IMMP2L: variants seen among roughly 807,000 people sequenced by gnomAD.
IMMP2L encodes inner mitochondrial membrane peptidase subunit 2.
Under a neutral mutation model 19.3 loss-of-function variants are expected in IMMP2L, and 18 were observed. The observed-to-expected ratio is 0.93, with a 90% CI of 0.64 to 1.38. IMMP2L has a LOEUF of 1.38. Ranked by LOEUF, IMMP2L falls within the 40% of genes most tolerant of loss-of-function variation. The pLI is 0.00. For missense variants in IMMP2L, 233 were observed against 218.2 expected (o/e 1.07, Z -0.43); for synonymous variants, 76 against 73.0 (o/e 1.04, Z -0.21).
intron 3 of IMMP2L, among the ~76,000 whole-genome samples, chr7:111,205,403 G>A (rs1198529053): frequency 2.0e-5 from 3 of 152,086 alleles, no homozygotes; most frequent in Admixed American, 2.0e-4. Context: ...TTCTTTCAAG[G>A]AAATTATCAC....
intron 3 of IMMP2L, among the ~76,000 whole-genome samples, chr7:111,005,621 CTGTAAGGG>C (rs781530031): frequency 1.3e-5 from 2 of 152,128 alleles, no homozygotes; most frequent in Non-Finnish European, 2.9e-5. Context: ...TACTGTGTTC[CTGTAAGGG>C]TGTCACAATC....
rs1563046894 is a variant in IMMP2L at position 110,877,691 on chromosome 7, T to C, written c.408+8902A>G. ...GCCTCGGCAAGAGGCACTACTTTTT[T>C]GGTGCCTGTGTTTTTGAGAAACCTG... On this transcript the variant is annotated intron_variant, in intron 5 of 5. Coordinates refer to ENST00000405709, the MANE Select transcript of IMMP2L (RefSeq NM_032549.4). The surrounding 1 kb of genome is among the most constrained non-coding windows in gnomAD (Gnocchi z 4.0). Among the ~76,000 whole-genome samples, 2 of 152,110 alleles carry C rather than the reference T, an allele frequency of 1.3e-5. No homozygotes were observed. The highest frequency in any genetic ancestry group is 2.4e-5 in the African/African-American group (1 of 41,432).
chr7:111,194,816 C>T (rs1205505244), intron 3 of IMMP2L, among the ~76,000 whole-genome samples: 1 of 152,090 alleles, frequency 6.6e-6, no homozygotes, highest in African/African-American at 2.4e-5. Context: ...AAATTACTTA[C>T]CAAGACCATA....
intron 5 of IMMP2L, among the ~76,000 whole-genome samples, chr7:110,700,276 T>C (rs909399399): frequency 1.3e-5 from 2 of 152,176 alleles, no homozygotes; most frequent in East Asian, 1.9e-4. Context: ...TGCCCCAGTG[T>C]TGGTTTTTTC....
chr7:111,184,508 C>A (rs1353326306), intron 3 of IMMP2L, among the ~76,000 whole-genome samples: 2 of 152,056 alleles, frequency 1.3e-5, no homozygotes, highest in Non-Finnish European at 2.9e-5. Flanking sequence ...AAAGGAACTT[C>A]CCTTGCCTTT....
chr7:110,704,249 A>G (rs1348255608), intron 5 of IMMP2L, among the ~76,000 whole-genome samples: 2 of 152,192 alleles, frequency 1.3e-5, no homozygotes, highest in Non-Finnish European at 1.5e-5. Context: ...AAAATCGCCA[A>G]TTTAATGTGT....
intron 5 of IMMP2L, among the ~76,000 whole-genome samples, chr7:110,813,853 T>C (rs1000595580): frequency 1.5e-4 from 23 of 151,920 alleles, no homozygotes; most frequent in African/African-American, 5.6e-4. Context: ...ATTTTTTGCC[T>C]GAGTTTAAAA....
chr7:110,875,390 G>A (rs1808964584), intron 5 of IMMP2L, among the ~76,000 whole-genome samples: 1 of 151,866 alleles, frequency 6.6e-6, no homozygotes, highest in Non-Finnish European at 1.5e-5. Context: ...TTGTTTTTGT[G>A]TTTGTGTTTT....
chr7:111,099,847 G>T (rs1797783102), intron 3 of IMMP2L: 1 of 151,558 alleles, frequency 6.6e-6, no homozygotes, highest in Admixed American at 6.6e-5. Flanking sequence ...AACTTTTGGG[G>T]TTTTTTTCCT....
At chr7:111,545,923 C>A (rs1207508066) in intron 1 of IMMP2L, among the ~76,000 whole-genome samples, 1 of 152,094 alleles carries the variant, frequency 6.6e-6, no homozygotes, top group Non-Finnish European at 1.5e-5. Context: ...ATAATTCCCT[C>A]CAGAAATATT....
At chr7:110,875,446 C>A (rs1454742535) in intron 5 of IMMP2L, among the ~76,000 whole-genome samples, 1 of 151,918 alleles carries the variant, frequency 6.6e-6, no homozygotes, top group South Asian at 2.1e-4. Context: ...AGACTCTGTA[C>A]CAAATATTTT....
intron 3 of IMMP2L, among the ~76,000 whole-genome samples, chr7:111,033,055 G>C (rs1790994282): frequency 6.6e-6 from 1 of 152,220 alleles, no homozygotes; most frequent in Non-Finnish European, 1.5e-5. Context: ...GGGAGGCAGA[G>C]GCTGCAGTGA....
intron 4 of IMMP2L, among the ~76,000 whole-genome samples, chr7:110,948,201 A>C (rs1452857715): frequency 6.6e-6 from 1 of 152,222 alleles, no homozygotes; most frequent in African/African-American, 2.4e-5. Context: ...ATAGAAATCT[A>C]TCATTAATAT....
intron 1 of IMMP2L, among the ~76,000 whole-genome samples, chr7:111,557,646 T>C (rs1232136244): frequency 1.3e-5 from 2 of 152,172 alleles, no homozygotes; most frequent in Non-Finnish European, 2.9e-5. Context: ...TCATTTGTAC[T>C]TGTACCTACC....
At position 111,018,791 on chromosome 7, in the gene IMMP2L, TTATTATTATTATTA is replaced by T. The variant is rs1825969323; in HGVS notation, c.240-55240_240-55227del. ...CCACTGGAAATTGTGTGTCTTTTTA[TTATTATTATTATTA>T]TTATTATTATTATTATTATTATTAT... On this transcript the variant is annotated intron_variant, in intron 3 of 5. Coordinates refer to ENST00000405709, the MANE Select transcript of IMMP2L (RefSeq NM_032549.4). Among the ~76,000 whole-genome samples the T allele has an allele frequency of 2.2e-3, 15 of 6,790 alleles. 1 individual carries two copies. Among genetic ancestry groups the T allele is most frequent in the South Asian group, 0.02 (10 of 510 alleles). 4.5% of individuals were successfully genotyped at this position (6,790 alleles called of 152,430 possible).
At chr7:111,418,445 G>T (rs1288038526) in intron 3 of IMMP2L, among the ~76,000 whole-genome samples, 1 of 151,516 alleles carries the variant, frequency 6.6e-6, no homozygotes, top group African/African-American at 2.4e-5. Flanking sequence ...CTGAATTCTA[G>T]GATTTAAAAG....
chr7:111,401,692 T>C (rs1421043443), intron 3 of IMMP2L, among the ~76,000 whole-genome samples: 2 of 152,084 alleles, frequency 1.3e-5, no homozygotes, highest in Non-Finnish European at 2.9e-5. Flanking sequence ...GAGAAAAATG[T>C]TAAGCAAGTC....
intron 2 of IMMP2L, among the ~76,000 whole-genome samples, chr7:111,516,075 G>A (rs565279443): frequency 6.6e-6 from 1 of 152,126 alleles, no homozygotes. Flanking sequence ...CTTACGTAAA[G>A]TACCTCAACT....
At chr7:111,559,586 G>C (rs1475415060) in intron 1 of IMMP2L, among the ~76,000 whole-genome samples, 1 of 152,100 alleles carries the variant, frequency 6.6e-6, no homozygotes, top group African/African-American at 2.4e-5. Flanking sequence ...GATACACCAG[G>C]TGAACCCCTG....
Sources: gnomAD v4.1 joint callset for allele counts (sites outside exome capture counted in the v4.1 genomes callset) on GRCh38, gnomAD v4.1.1 for gene constraint, Gnocchi (gnomAD v3.1) non-coding constraint, MANE v1.5 for transcripts, NCBI Gene and HGNC (gene_info 2026-07-23, HGNC 2026-07-21) for gene names.